The following CACNA1C variants were observed in gnomAD, a reference collection of about 807,000 sequenced individuals.
CACNA1C encodes the protein voltage-dependent L-type calcium channel subunit alpha-1C.
CACNA1C carries 30 observed loss-of-function variants against 229.0 expected under a neutral mutation model. The ratio of observed to expected loss-of-function variants is 0.13; its 90% CI spans 0.10 to 0.18. The LOEUF (loss-of-function observed/expected upper bound fraction) is 0.18. Among genes scored for constraint, CACNA1C ranks in the 10% least tolerant of loss-of-function variants. The probability of loss-of-function intolerance (pLI) is 1.00; values close to 1 mark genes in which losing one functional copy is unlikely to be tolerated. For synonymous variants in CACNA1C, 1,114 were observed against 1,132.5 expected (o/e 0.98, Z 0.33); for missense variants, 1,658 against 2,845.0 (o/e 0.58, Z 9.49).
At chr12:2,088,661 C>T (rs1202927813) in intron 1 of CACNA1C, among the ~76,000 whole-genome samples, 1 of 152,170 alleles carries the variant, frequency 6.6e-6, no homozygotes, top group Admixed American at 6.5e-5. Flanking sequence ...GATGCGTTCT[C>T]CTTGGTTACT....
Position 2,602,856 on chromosome 12 carries a change from A to G in CACNA1C, c.2960+896A>G, listed in dbSNP as rs1052342034. Among the ~76,000 whole-genome samples the G allele has an allele frequency of 1.3e-5, 2 of 152,184 alleles. No homozygotes were observed. The highest frequency in any genetic ancestry group is 2.9e-5 in the Non-Finnish European group (2 of 68,042). On this transcript the variant is annotated intron_variant, in intron 22 of 46. Transcript: ENST00000399655. The surrounding 1 kb of genome is among the most constrained non-coding windows in gnomAD (Gnocchi z 4.4). ...ACTTTAACTTTCAAAGCACTTCCAC[A>G]TACACATTCTTCTGTGGTCCTCACA...
chr12:2,395,468 C>A (rs1461176047), intron 3 of CACNA1C, among the ~76,000 whole-genome samples: 7 of 152,168 alleles, frequency 4.6e-5, no homozygotes, highest in Non-Finnish European at 4.4e-5. Flanking sequence ...ATCCATCCAC[C>A]TTGGCCTCTC....
chr12:2,486,058 G>A lies in CACNA1C; in HGVS notation c.758-46G>A, dbSNP rs768332396. 4.7e-5 allele frequency: 71 copies of A among 1,496,288 alleles called. No homozygotes were observed. The highest frequency in any genetic ancestry group is 5.7e-5 in the Non-Finnish European group (63 of 1,109,272). The allele number at this position is 1,496,288 out of a possible 1,614,324, so 92.7% of individuals were successfully genotyped here. A position where few individuals can be genotyped will look rare whatever the true frequency, so the allele number is the denominator to read the frequency against. On this transcript the variant is annotated intron_variant, in intron 5 of 46. Transcript: ENST00000399655. The surrounding 1 kb of genome is among the most constrained non-coding windows in gnomAD (Gnocchi z 4.9). Reference sequence around the variant, plus strand: ...AGATTGCATGAGATGGCGTCAGCACGGTACCGCGGTGATGCTTGGTTCAGT... The same window carrying A: ...AGATTGCATGAGATGGCGTCAGCACAGTACCGCGGTGATGCTTGGTTCAGT...
At position 2,319,440 on chromosome 12, in the gene CACNA1C, A is replaced by G. The variant is rs530993116; in HGVS notation, c.478-129536A>G. On this transcript the variant is annotated intron_variant, in intron 3 of 46. Transcript: ENST00000399655. This position sits in a 1 kb window ranked among gnomAD's most constrained non-coding sequence, Gnocchi z 4.0. ...TGTACACGATGAGCAGCCACCATGC[A>G]TCAGGAGGAAGAGACCTCGCTCCCA... Among the ~76,000 whole-genome samples, 25 of 152,240 alleles carry G rather than the reference A, an allele frequency of 1.6e-4. No individual in the cohort carries two copies. The highest frequency in any genetic ancestry group is 6.0e-4 in the African/African-American group (25 of 41,538).
chr12:2,266,094 C>A (rs1036983806), intron 3 of CACNA1C, among the ~76,000 whole-genome samples: 2 of 152,290 alleles, frequency 1.3e-5, no homozygotes, highest in Middle Eastern at 3.4e-3. Flanking sequence ...CTCAGGCAAC[C>A]AAGGCAGGAT....
chr12:2,462,999 G>T (rs1024719318), intron 5 of CACNA1C, among the ~76,000 whole-genome samples: 7 of 140,438 alleles, frequency 5.0e-5, no homozygotes, highest in Admixed American at 3.0e-4. Flanking sequence ...TGTAAGCTCC[G>T]CCTCCTGGGT....
chr12:2,232,123 A>G (rs1043329633), intron 3 of CACNA1C, among the ~76,000 whole-genome samples: 2 of 151,032 alleles, frequency 1.3e-5, no homozygotes, highest in Middle Eastern at 3.6e-3. Context: ...TCTCCACTTC[A>G]GTCCTTTTTT....
intron 3 of CACNA1C, among the ~76,000 whole-genome samples, chr12:2,198,579 C>G (rs1323100636): frequency 1.3e-5 from 2 of 152,140 alleles, no homozygotes; most frequent in Non-Finnish European, 2.9e-5. Flanking sequence ...AGAAATTGAA[C>G]CAGGCTTGGA....
intron 3 of CACNA1C, among the ~76,000 whole-genome samples, chr12:2,168,431 A>G (rs993124295): frequency 2.6e-5 from 4 of 152,310 alleles, no homozygotes; most frequent in African/African-American, 4.8e-5. Flanking sequence ...ACTTGGTCCT[A>G]CTGTAGCCAG....
intron 3 of CACNA1C, among the ~76,000 whole-genome samples, chr12:2,197,475 G>A (rs1304504583): frequency 6.6e-6 from 1 of 152,164 alleles, no homozygotes; most frequent in Non-Finnish European, 1.5e-5. Flanking sequence ...TTAAGACTCA[G>A]TGATATAATG....
chr12:2,025,439 T>C (rs905624101), intron 1 of CACNA1C, among the ~76,000 whole-genome samples: 3 of 152,166 alleles, frequency 2.0e-5, no homozygotes, highest in Admixed American at 6.5e-5. Flanking sequence ...CTTTTCCCGT[T>C]CCAGCTCTGC....
At chr12:2,442,277 C>G (rs187928573) in intron 3 of CACNA1C, among the ~76,000 whole-genome samples, 144 of 152,250 alleles carry the variant, frequency 9.5e-4, no homozygotes, top group Middle Eastern at 3.4e-3. Flanking sequence ...TGTTTAGAAG[C>G]CATCATGATT....
chr12:2,061,334 T>C (rs2057414900), intron 1 of CACNA1C, among the ~76,000 whole-genome samples: 2 of 152,280 alleles, frequency 1.3e-5, no homozygotes, highest in Admixed American at 1.3e-4. Context: ...CAAACAACTT[T>C]GGAGGTGTTG....
chr12:2,124,897 C>T (rs977151419), intron 3 of CACNA1C, among the ~76,000 whole-genome samples: 7 of 152,064 alleles, frequency 4.6e-5, no homozygotes, highest in Non-Finnish European at 8.8e-5. Flanking sequence ...GATGTCCTAC[C>T]GGCGGTCGAC....
chr12:2,141,181 A>G (rs1445967978), intron 3 of CACNA1C, among the ~76,000 whole-genome samples: 2 of 151,104 alleles, frequency 1.3e-5, no homozygotes, highest in Admixed American at 6.6e-5. Context: ...AGGGGCAGAC[A>G]GGGGCTGAAT....
At chr12:2,366,095 C>G (rs927611182) in intron 3 of CACNA1C, among the ~76,000 whole-genome samples, 7 of 152,088 alleles carry the variant, frequency 4.6e-5, no homozygotes, top group Non-Finnish European at 1.0e-4. Context: ...TAAAATGGAC[C>G]AATGGTGAAT....
intron 10 of CACNA1C, among the ~76,000 whole-genome samples, chr12:2,553,935 G>A (rs1300670494): frequency 6.6e-6 from 1 of 152,190 alleles, no homozygotes; most frequent in African/African-American, 2.4e-5. Context: ...TAAGAGCTGT[G>A]GGGGAGAGGA....
At chr12:2,016,973 ACT>A (rs2045499823) in intron 1 of CACNA1C, among the ~76,000 whole-genome samples, 1 of 152,160 alleles carries the variant, frequency 6.6e-6, no homozygotes. Flanking sequence ...GATATAGCCA[ACT>A]CTGGAAAAAC....
At position 2,585,316 on chromosome 12, in the gene CACNA1C, C is replaced by T; in HGVS notation, c.2340-60C>T. On this transcript the variant is annotated intron_variant, in intron 16 of 46. Coordinates refer to ENST00000399655, the MANE Select transcript of CACNA1C (RefSeq NM_000719.7). This position sits in a 1 kb window ranked among gnomAD's most constrained non-coding sequence, Gnocchi z 4.1. ...CAGGCCACAGGGCGGTTCCCTCCTA[C>T]ACTGTTCCCTATCACTCCAGTAAAC... 3 of 1,570,968 alleles carry T rather than the reference C, an allele frequency of 1.9e-6. No homozygotes were observed. The highest frequency in any genetic ancestry group is 2.6e-6 in the Non-Finnish European group (3 of 1,156,958).
Sources: gnomAD v4.1 joint callset for allele counts (sites outside exome capture counted in the v4.1 genomes callset) on GRCh38, gnomAD v4.1.1 for gene constraint, Gnocchi (gnomAD v3.1) non-coding constraint, MANE v1.5 for transcripts, NCBI Gene and HGNC (gene_info 2026-07-23, HGNC 2026-07-21) for gene names.